Variants in FIGN observed in about 807,000 individuals in gnomAD.
FIGN encodes fidgetin.
A neutral mutation model predicts 51.3 loss-of-function variants in FIGN; 11 were observed. That is an observed-to-expected ratio of 0.21 (90% confidence interval 0.13 to 0.35). The LOEUF (loss-of-function observed/expected upper bound fraction) is 0.35. FIGN is among the 10% of genes least tolerant of loss of function. FIGN has a pLI of 1.00. For synonymous variants in FIGN, 407 were observed against 363.2 expected (o/e 1.12, Z -1.37); for missense variants, 857 against 943.6 (o/e 0.91, Z 1.20).
chr2:163,652,708 T>C (rs1683497399), intron 2 of FIGN, among the ~76,000 whole-genome samples: 1 of 152,160 alleles, frequency 6.6e-6, no homozygotes, highest in African/African-American at 2.4e-5. Flanking sequence ...ACAAATACAC[T>C]TTGAACTTCC....
chr2:163,681,702 G>A (rs1202327820), intron 2 of FIGN, among the ~76,000 whole-genome samples: 2 of 152,206 alleles, frequency 1.3e-5, no homozygotes, highest in African/African-American at 4.8e-5. Flanking sequence ...AAGAAAGAGT[G>A]TGGACATTCA....
chr2:163,720,768 G>T (rs1050197511), intron 2 of FIGN, among the ~76,000 whole-genome samples: 6 of 152,122 alleles, frequency 3.9e-5, no homozygotes, highest in Non-Finnish European at 8.8e-5. Context: ...AAGACAGGTT[G>T]CTCTACTAAA....
At chr2:163,619,531 T>G (rs1682934099) in intron 2 of FIGN, among the ~76,000 whole-genome samples, 1 of 152,122 alleles carries the variant, frequency 6.6e-6, no homozygotes, top group Non-Finnish European at 1.5e-5. Context: ...ACCCAACAAA[T>G]ATGACCAAGT....
At position 163,728,397 on chromosome 2, in the gene FIGN, A is replaced by AACACACACACACAC. The variant is rs60526284; in HGVS notation, c.25+6492_25+6505dup. On this transcript the variant is annotated intron_variant, in intron 2 of 2. Coordinates refer to ENST00000333129, the MANE Select transcript of FIGN (RefSeq NM_018086.4). The stretch of plus-strand genomic sequence containing the variant: ...GTATGTAACTGCATGCAAACCATTA[A>AACACACACACACAC]ACACACACACACACACACACACACA... 4.2e-5 allele frequency among the ~76,000 whole-genome samples: 6 copies of AACACACACACACAC among 141,932 alleles called. 1 individual carries two copies. The highest frequency in any genetic ancestry group is 2.4e-4 in the South Asian group (1 of 4,220). The allele number at this position is 141,932 out of a possible 152,430, so 93.1% of individuals were successfully genotyped here. A position where few individuals can be genotyped will look rare whatever the true frequency, so the allele number is the denominator to read the frequency against.
intron 2 of FIGN, among the ~76,000 whole-genome samples, chr2:163,646,715 GAT>G (rs914242356): frequency 6.6e-6 from 1 of 152,116 alleles, no homozygotes; most frequent in African/African-American, 2.4e-5. Context: ...ATTGAAACAG[GAT>G]AAATAGGGAC....
chr2:163,623,910 A>G (rs1162523411), intron 2 of FIGN, among the ~76,000 whole-genome samples: 1 of 152,170 alleles, frequency 6.6e-6, no homozygotes, highest in Non-Finnish European at 1.5e-5. Context: ...AAAATGTAGC[A>G]TAAAATATTG....
chr2:163,626,074 C>A (rs1261798360), intron 2 of FIGN, among the ~76,000 whole-genome samples: 1 of 152,122 alleles, frequency 6.6e-6, no homozygotes, highest in African/African-American at 2.4e-5. Flanking sequence ...AATAAGCCTC[C>A]ATAACTGTTT....
intron 2 of FIGN, among the ~76,000 whole-genome samples, chr2:163,677,642 C>G (rs1011736477): frequency 2.6e-5 from 4 of 152,068 alleles, no homozygotes; most frequent in African/African-American, 9.7e-5. Context: ...ATTAAAATAA[C>G]TTCTTATTTA....
chr2:163,660,109 A>T (rs1178090381), intron 2 of FIGN, among the ~76,000 whole-genome samples: 4 of 149,600 alleles, frequency 2.7e-5, no homozygotes, highest in South Asian at 2.1e-4. Context: ...TCAAAAAAAT[A>T]AAAAAAAACA....
At chr2:163,682,999 CT>C (rs1242369472) in intron 2 of FIGN, among the ~76,000 whole-genome samples, 1 of 152,078 alleles carries the variant, frequency 6.6e-6, no homozygotes, top group Non-Finnish European at 1.5e-5. Flanking sequence ...CAGTGAAACT[CT>C]TTTCTGTTCT....
At chr2:163,641,162 A>G (rs1241103191) in intron 2 of FIGN, among the ~76,000 whole-genome samples, 1 of 152,242 alleles carries the variant, frequency 6.6e-6, no homozygotes, top group Non-Finnish European at 1.5e-5. Flanking sequence ...GGAGAAGAGT[A>G]GGCCGCCATA....
At chr2:163,665,553 C>G (rs1573936719) in intron 2 of FIGN, among the ~76,000 whole-genome samples, 1 of 152,162 alleles carries the variant, frequency 6.6e-6, no homozygotes, top group Non-Finnish European at 1.5e-5. Context: ...ACACAGAAAT[C>G]TTTTATCTAT....
Position 163,702,337 on chromosome 2 carries a change from C to G in FIGN, c.25+32566G>C, listed in dbSNP as rs142620081. ...ATATAAAGAACTACAGATTACACATCATTCTGTTCAGACACACTGTTCAGT... is the reference window on the plus strand; with the variant it reads ...ATATAAAGAACTACAGATTACACATGATTCTGTTCAGACACACTGTTCAGT... On this transcript the variant is annotated intron_variant, in intron 2 of 2. Transcript: ENST00000333129. Among the ~76,000 whole-genome samples the G allele has an allele frequency of 3.3e-5, 5 of 152,310 alleles. No homozygotes were observed. In the East Asian group the frequency reaches 9.6e-4, roughly 29 times the overall value.
chr2:163,716,692 A>G (rs1380421404), intron 2 of FIGN, among the ~76,000 whole-genome samples: 2 of 152,232 alleles, frequency 1.3e-5, no homozygotes, highest in South Asian at 2.1e-4. Context: ...AGTAAAATAT[A>G]TAAAAAGTAA....
chr2:163,718,840 T>G (rs7591678), intron 2 of FIGN, among the ~76,000 whole-genome samples: 1 of 150,622 alleles, frequency 6.6e-6, no homozygotes, highest in Non-Finnish European at 1.5e-5. Flanking sequence ...ACAGAGAGAG[T>G]GAGAGAGAGA....
chr2:163,683,614 A>G (rs1293805414), intron 2 of FIGN, among the ~76,000 whole-genome samples: 1 of 152,188 alleles, frequency 6.6e-6, no homozygotes, highest in Non-Finnish European at 1.5e-5. Context: ...AGATATGGGA[A>G]GTAGATCTCA....
At chr2:163,651,052 A>G (rs1683466007) in intron 2 of FIGN, among the ~76,000 whole-genome samples, 1 of 152,196 alleles carries the variant, frequency 6.6e-6, no homozygotes, top group Non-Finnish European at 1.5e-5. Flanking sequence ...AAAATGTTGG[A>G]TAGATACTGC....
chr2:163,681,002 T>A (rs1684054007), intron 2 of FIGN, among the ~76,000 whole-genome samples: 2 of 152,218 alleles, frequency 1.3e-5, no homozygotes, highest in Admixed American at 1.3e-4. Flanking sequence ...TTCCTCACAA[T>A]GACCTTAAGC....
intron 2 of FIGN, among the ~76,000 whole-genome samples, chr2:163,684,861 G>A (rs1038551125): frequency 5.9e-5 from 9 of 151,488 alleles, no homozygotes; most frequent in African/African-American, 9.7e-5. Context: ...TGCAACCTCC[G>A]CCTCCCAGGT....
Sources: gnomAD v4.1 joint callset for allele counts (sites outside exome capture counted in the v4.1 genomes callset) on GRCh38, gnomAD v4.1.1 for gene constraint, MANE v1.5 for transcripts, NCBI Gene and HGNC (gene_info 2026-07-23, HGNC 2026-07-21) for gene names.